Variants in SEMA3D observed in about 807,000 individuals in gnomAD.
SEMA3D encodes semaphorin 3D.
Under a neutral mutation model 100.1 loss-of-function variants are expected in SEMA3D, and 84 were observed. That is an observed-to-expected ratio of 0.84 (90% CI 0.70 to 1.01). The LOEUF (loss-of-function observed/expected upper bound fraction) is 1.01. Ranked by LOEUF, SEMA3D falls within the 50% of genes least tolerant of loss-of-function variation. SEMA3D has a pLI of 0.00. For missense variants in SEMA3D, 875 were observed against 934.1 expected (o/e 0.94, Z 0.82); for synonymous variants, 312 against 320.7 (o/e 0.97, Z 0.29).
intron 13 of SEMA3D, among the ~76,000 whole-genome samples, chr7:85,021,002 G>A (rs993194231): frequency 6.6e-6 from 1 of 151,228 alleles, no homozygotes; most frequent in African/African-American, 2.4e-5. Context: ...GAAGTGTCAG[G>A]TTAGTACAGA....
chr7:85,211,403 G>A, the SEMA3D span, among the ~76,000 whole-genome samples: 1 of 151,876 alleles, frequency 6.6e-6, no homozygotes, highest in African/African-American at 2.4e-5. Context: ...CACACTGTTA[G>A]GTGAAGATAG....
chr7:85,145,546 T>G (rs1790177002), intron 2 of SEMA3D, among the ~76,000 whole-genome samples: 1 of 151,734 alleles, frequency 6.6e-6, no homozygotes, highest in African/African-American at 2.4e-5. Context: ...AGATAAGAAC[T>G]CCCATTAAAG....
intron 4 of SEMA3D, among the ~76,000 whole-genome samples, chr7:85,083,791 G>A (rs1311034293): frequency 5.4e-4 from 80 of 147,000 alleles, no homozygotes; most frequent in Non-Finnish European, 9.7e-4. Flanking sequence ...AGCTTGCAGT[G>A]AGCCGAGATC....
chr7:85,036,166 A>C (rs1790687361), intron 12 of SEMA3D, among the ~76,000 whole-genome samples: 1 of 152,152 alleles, frequency 6.6e-6, no homozygotes. Context: ...GTCAATAAAT[A>C]ATCCTGATGT....
chr7:85,007,021 A>G (rs1789817496), intron 17 of SEMA3D, 80 bp from the exon 18 acceptor site: 2 of 1,043,848 alleles, frequency 1.9e-6, no homozygotes, highest in Non-Finnish European at 2.8e-6. Flanking sequence ...TTCAGAACAG[A>G]TGCCATGGGG....
At chr7:85,238,819 C>G in the SEMA3D span, among the ~76,000 whole-genome samples, 1 of 152,190 alleles carries the variant, frequency 6.6e-6, no homozygotes, top group Admixed American at 6.5e-5. Context: ...TCTTCCTGCA[C>G]ATGAATATAG....
At chr7:85,101,717 A>G (rs1343779609) in intron 3 of SEMA3D, among the ~76,000 whole-genome samples, 1 of 152,058 alleles carries the variant, frequency 6.6e-6, no homozygotes, top group East Asian at 1.9e-4. Flanking sequence ...GGAAATCATA[A>G]TATTTCCCAA....
intron 9 of SEMA3D, among the ~76,000 whole-genome samples, chr7:85,046,016 T>C (rs565228333): frequency 7.2e-5 from 11 of 152,080 alleles, no homozygotes; most frequent in Admixed American, 2.6e-4. Flanking sequence ...CTAAAAATAA[T>C]GTTGATTCAA....
chr7:85,201,476 T>C, the SEMA3D span, among the ~76,000 whole-genome samples: 2 of 152,182 alleles, frequency 1.3e-5, no homozygotes, highest in African/African-American at 4.8e-5. Context: ...TAACCTCAGC[T>C]TGGGTTCCAG....
the SEMA3D span, among the ~76,000 whole-genome samples, chr7:85,225,179 C>CAT: frequency 7.5e-6 from 1 of 133,786 alleles, no homozygotes; most frequent in South Asian, 2.4e-4. Flanking sequence ...ATATAAAATA[C>CAT]ATATATAATA....
intron 1 of SEMA3D, among the ~76,000 whole-genome samples, chr7:85,162,061 G>T (rs537079121): frequency 3.3e-4 from 50 of 151,574 alleles, no homozygotes; most frequent in Middle Eastern, 3.4e-3. Context: ...TTTCGTAGCT[G>T]TTCCCAATTT....
At chr7:85,217,515 G>A in the SEMA3D span, among the ~76,000 whole-genome samples, 1 of 152,036 alleles carries the variant, frequency 6.6e-6, no homozygotes, top group African/African-American at 2.4e-5. Context: ...GGACAATGAA[G>A]AAGGATAAGT....
intron 9 of SEMA3D, among the ~76,000 whole-genome samples, chr7:85,043,534 A>G (rs1428335715): frequency 6.6e-6 from 1 of 152,162 alleles, no homozygotes; most frequent in Non-Finnish European, 1.5e-5. Flanking sequence ...ATAATTCAGC[A>G]TAAAAATTTA....
intron 11 of SEMA3D, among the ~76,000 whole-genome samples, chr7:85,037,912 T>G (rs1010779432): frequency 2.0e-5 from 3 of 151,928 alleles, no homozygotes; most frequent in African/African-American, 7.2e-5. Context: ...AAAAATATAT[T>G]AAAAATCTTA....
intron 2 of SEMA3D, chr7:85,142,069 G>C: frequency 2.0e-6 from 2 of 983,884 alleles, no homozygotes; most frequent in Non-Finnish European, 2.4e-6. Context: ...CCAAGTTTCT[G>C]TGAACTATAC....
At chr7:85,201,782 G>A in the SEMA3D span, among the ~76,000 whole-genome samples, 42 of 151,962 alleles carry the variant, frequency 2.8e-4, no homozygotes, top group South Asian at 4.2e-4. Context: ...GCTGGAGAGC[G>A]GTGATGCAAT....
At chr7:85,239,225 A>G in the SEMA3D span, among the ~76,000 whole-genome samples, 1 of 152,140 alleles carries the variant, frequency 6.6e-6, no homozygotes, top group Non-Finnish European at 1.5e-5. Context: ...TTGAAACTTA[A>G]TCTCCATTGT....
chr7:85,129,637 A>T (rs1789668380), intron 2 of SEMA3D, among the ~76,000 whole-genome samples: 1 of 152,132 alleles, frequency 6.6e-6, no homozygotes, highest in African/African-American at 2.4e-5. Context: ...AAATGATAAC[A>T]TGGGGTTATA....
At chr7:85,248,665 G>A in the SEMA3D span, among the ~76,000 whole-genome samples, 10 of 152,102 alleles carry the variant, frequency 6.6e-5, no homozygotes, top group Non-Finnish European at 1.3e-4. Flanking sequence ...GAGCTATCCA[G>A]TCATGAAAAG....
Sources: allele counts gnomAD v4.1 joint callset (sites outside exome capture counted in the v4.1 genomes callset), GRCh38; gene constraint gnomAD v4.1.1; transcripts MANE v1.5; gene names NCBI Gene and HGNC (gene_info 2026-07-23, HGNC 2026-07-21).